Variants in KCNQ3 observed in about 807,000 individuals in gnomAD.
The protein encoded by KCNQ3 is potassium voltage-gated channel subfamily Q member 3.
In KCNQ3, 30 loss-of-function variants were observed where a neutral mutation model predicts 92.5. The observed-to-expected ratio is 0.32, with a 90% CI of 0.24 to 0.44. KCNQ3 has a LOEUF of 0.44. Ranked by LOEUF, KCNQ3 falls within the 20% of genes least tolerant of loss-of-function variation. The pLI, the probability that KCNQ3 is intolerant of heterozygous loss-of-function variation, is 1.00. For missense variants in KCNQ3, 913 were observed against 1,140.3 expected, an observed-to-expected ratio of 0.80 and a Z score of 2.87; for synonymous variants, 450 against 468.8, an observed-to-expected ratio of 0.96 and a Z score of 0.52.
Position 132,147,666 on chromosome 8 carries a change from AGATG to A in KCNQ3, c.1263-6339_1263-6336del, listed in dbSNP as rs552593332. ...GGATGAAGATGGGTGCATGGATGATAGATGGATGGATAATGGATATATGGATGAC... is the reference window on the plus strand; with the variant it reads ...GGATGAAGATGGGTGCATGGATGATAGATGGATAATGGATATATGGATGAC... On this transcript the variant is annotated intron_variant, in intron 9 of 14. Coordinates refer to ENST00000388996, the MANE Select transcript of KCNQ3 (RefSeq NM_004519.4). 2.0e-3 allele frequency among the ~76,000 whole-genome samples: 311 copies of A among 152,256 alleles called. 1 individual carries two copies. Among genetic ancestry groups the A allele is most frequent in the Non-Finnish European group, 1.9e-3 (127 of 68,018 alleles).
intron 1 of KCNQ3, among the ~76,000 whole-genome samples, chr8:132,263,444 C>T (rs1022264377): frequency 1.8e-4 from 28 of 152,198 alleles, no homozygotes; most frequent in African/African-American, 5.8e-4. Context: ...TGTGGGCAAG[C>T]GCTGTCCCAA....
chr8:132,198,968 C>T (rs1366255172), intron 1 of KCNQ3, among the ~76,000 whole-genome samples: 1 of 152,180 alleles, frequency 6.6e-6, no homozygotes, highest in African/African-American at 2.4e-5. Context: ...ACATCCTTGA[C>T]AATATCACAG....
intron 1 of KCNQ3, among the ~76,000 whole-genome samples, chr8:132,462,821 T>G (rs1046219167): frequency 6.6e-6 from 1 of 152,220 alleles, no homozygotes; most frequent in African/African-American, 2.4e-5. Flanking sequence ...CAATAAGGAA[T>G]AGAAAGAATG....
chr8:132,196,979 G>A (rs1827317941), intron 1 of KCNQ3, among the ~76,000 whole-genome samples: 1 of 151,644 alleles, frequency 6.6e-6, no homozygotes, highest in South Asian at 2.1e-4. Flanking sequence ...TTAGATGGGT[G>A]AGGCCAATGA....
chr8:132,480,780 C>G lies in KCNQ3; in HGVS notation c.-248G>C, dbSNP rs974963438. On this transcript the variant is annotated 5_prime_UTR_variant, in exon 1 of 15. Coordinates refer to ENST00000388996, the MANE Select transcript of KCNQ3 (RefSeq NM_004519.4). The stretch of plus-strand genomic sequence containing the variant: ...GTCAGCCGCAGGACCCCGAGGGTCG[C>G]GGGCCGGGGGCTGCGGAGAAGCTGG... The G allele has an allele frequency of 5.2e-6, 1 of 192,408 alleles. No individual in the cohort carries two copies. Among genetic ancestry groups the G allele is most frequent in the Non-Finnish European group, 9.5e-6 (1 of 104,792 alleles). 11.9% of individuals were successfully genotyped at this position (192,408 alleles called of 1,614,324 possible). A position where few individuals can be genotyped will look rare whatever the true frequency, so the allele number is the denominator to read the frequency against.
intron 1 of KCNQ3, among the ~76,000 whole-genome samples, chr8:132,349,787 G>A (rs1439004954): frequency 6.6e-6 from 1 of 152,238 alleles, no homozygotes; most frequent in African/African-American, 2.4e-5. Context: ...GCCAGGATCA[G>A]CAGAACCACC....
intron 7 of KCNQ3, among the ~76,000 whole-genome samples, chr8:132,170,811 A>T (rs1826311862): frequency 6.6e-6 from 1 of 151,142 alleles, no homozygotes; most frequent in African/African-American, 2.4e-5. Flanking sequence ...CAAGAGTTGG[A>T]GACCAGCCTG....
At chr8:132,265,226 A>T (rs1815942933) in intron 1 of KCNQ3, among the ~76,000 whole-genome samples, 1 of 152,232 alleles carries the variant, frequency 6.6e-6, no homozygotes, top group East Asian at 1.9e-4. Context: ...TGGTTTTAAA[A>T]TTTGAGTAAC....
intron 1 of KCNQ3, among the ~76,000 whole-genome samples, chr8:132,232,722 T>C (rs987180756): frequency 1.3e-5 from 2 of 152,150 alleles, no homozygotes; most frequent in African/African-American, 4.8e-5. Context: ...CATTCACCCT[T>C]TTCTCCTTTA....
chr8:132,120,976 T>C lies in KCNQ3; in HGVS notation c.*8286A>G, dbSNP rs985902537. 4 of 152,224 alleles carry C rather than the reference T, an allele frequency of 2.6e-5. No homozygotes were observed. Among genetic ancestry groups the C allele is most frequent in the Non-Finnish European group, 5.9e-5 (4 of 68,042 alleles). The allele number at this position is 152,224 out of a possible 1,614,324, so 9.4% of individuals were successfully genotyped here. A position where few individuals can be genotyped will look rare whatever the true frequency, so the allele number is the denominator to read the frequency against. On this transcript the variant is annotated 3_prime_UTR_variant, in exon 15 of 15. Coordinates refer to ENST00000388996, the MANE Select transcript of KCNQ3 (RefSeq NM_004519.4). ...ATGGAAATCAACCTATTAAAGTTGT[T>C]CAAATATTGGACAGAGCCAGAATAT...
At chr8:132,180,037 T>G in intron 4 of KCNQ3, 120 bp downstream of exon 4, 2 of 1,112,700 alleles carry the variant, frequency 1.8e-6, no homozygotes, top group Non-Finnish European at 2.7e-6. Flanking sequence ...CTCTTTGTCG[T>G]TATCATCAAG....
chr8:132,134,497 G>C (rs1310886540), intron 12 of KCNQ3, 109 bp from the exon 13 acceptor site: 1 of 716,834 alleles, frequency 1.4e-6, no homozygotes, highest in Non-Finnish European at 2.4e-6. Flanking sequence ...GAATATATAA[G>C]AGGAGAGGAG....
chr8:132,290,560 G>A (rs1477755080), intron 1 of KCNQ3, among the ~76,000 whole-genome samples: 1 of 152,086 alleles, frequency 6.6e-6, no homozygotes, highest in African/African-American at 2.4e-5. Flanking sequence ...AAATTATGTT[G>A]GCTTGAACTA....
chr8:132,411,878 G>C (rs1219213911), intron 1 of KCNQ3, among the ~76,000 whole-genome samples: 4 of 152,200 alleles, frequency 2.6e-5, no homozygotes, highest in Non-Finnish European at 5.9e-5. Context: ...GTTGAAATGG[G>C]CAACATGGAG....
At chr8:132,236,026 G>A (rs567512086) in intron 1 of KCNQ3, among the ~76,000 whole-genome samples, 1 of 152,172 alleles carries the variant, frequency 6.6e-6, no homozygotes, top group Non-Finnish European at 1.5e-5. Flanking sequence ...GCAAGAAACA[G>A]TTGATAAATG....
chr8:132,448,334 T>C lies in KCNQ3; in HGVS notation c.386+31813A>G, dbSNP rs73347752. ...CCTTCTTGATCTCCTTTGGGGTCCA[T>C]GAGCAAGCAAGATCCCTGGGACGCC... On this transcript the variant is annotated intron_variant, in intron 1 of 14. Transcript: ENST00000388996. Among the ~76,000 whole-genome samples, 1,438 of 151,884 alleles carry C rather than the reference T, an allele frequency of 9.5e-3. 24 individuals carry two copies. The highest frequency in any genetic ancestry group is 0.033 in the African/African-American group (1,373 of 41,368).
intron 9 of KCNQ3, among the ~76,000 whole-genome samples, 186 bp downstream of exon 9, chr8:132,163,282 T>C (rs573755566): frequency 2.0e-5 from 3 of 152,232 alleles, no homozygotes; most frequent in African/African-American, 7.2e-5. Context: ...ATGATTCCTA[T>C]TAAGTTTCCC....
chr8:132,199,281 T>C (rs917872136), intron 1 of KCNQ3, among the ~76,000 whole-genome samples: 1 of 152,244 alleles, frequency 6.6e-6, no homozygotes, highest in African/African-American at 2.4e-5. Context: ...TAAAGTCATA[T>C]TGTATTATAT....
At chr8:132,354,679 G>A (rs944427091) in intron 1 of KCNQ3, among the ~76,000 whole-genome samples, 6 of 152,186 alleles carry the variant, frequency 3.9e-5, no homozygotes, top group African/African-American at 1.2e-4. Context: ...GCAAGTTATT[G>A]CCTCTAAGAT....
Sources: allele counts gnomAD v4.1 joint callset (sites outside exome capture counted in the v4.1 genomes callset), GRCh38; gene constraint gnomAD v4.1.1; transcripts MANE v1.5; gene names NCBI Gene and HGNC (gene_info 2026-07-23, HGNC 2026-07-21).